STARD13: variants seen among roughly 807,000 people sequenced by gnomAD.
STARD13 encodes StAR related lipid transfer domain containing 13.
Under a neutral mutation model 106.4 loss-of-function variants are expected in STARD13, and 62 were observed. That is an observed-to-expected ratio of 0.58 (90% CI 0.48 to 0.72). The LOEUF is 0.72. STARD13 is among the 30% of genes least tolerant of loss of function. The pLI is 0.00. For missense variants in STARD13, 1,387 were observed against 1,424.0 expected (o/e 0.97, Z 0.42); for synonymous variants, 565 against 553.0 (o/e 1.02, Z -0.31).
At chr13:33,521,799 T>C in the STARD13 span, among the ~76,000 whole-genome samples, 2 of 152,206 alleles carry the variant, frequency 1.3e-5, no homozygotes, top group East Asian at 3.9e-4. Context: ...AATGAGCTAA[T>C]TTGGAAAGAA....
At chr13:33,605,568 G>A in the STARD13 span, among the ~76,000 whole-genome samples, 7 of 152,016 alleles carry the variant, frequency 4.6e-5, no homozygotes, top group African/African-American at 7.2e-5. Flanking sequence ...ACTTACTCTC[G>A]GTTTCTGTAC....
intron 1 of STARD13, among the ~76,000 whole-genome samples, chr13:33,250,551 C>T (rs1890050086): frequency 6.6e-6 from 1 of 152,188 alleles, no homozygotes; most frequent in African/African-American, 2.4e-5. Flanking sequence ...AAGACTGCAT[C>T]CTTTTAAAGG....
chr13:33,351,441 T>C (rs988785420), upstream of STARD13, among the ~76,000 whole-genome samples: 4 of 152,152 alleles, frequency 2.6e-5, no homozygotes, highest in Admixed American at 1.3e-4. Flanking sequence ...CTTTAAGAAA[T>C]ACATCATCAC....
chr13:33,213,019 G>A (rs1429679635), intron 1 of STARD13, among the ~76,000 whole-genome samples: 1 of 152,164 alleles, frequency 6.6e-6, no homozygotes, highest in Non-Finnish European at 1.5e-5. Context: ...CTTGCTAGTT[G>A]AGTTATTGAC....
chr13:33,154,184 G>C (rs934450259), intron 3 of STARD13, among the ~76,000 whole-genome samples: 1 of 152,188 alleles, frequency 6.6e-6, no homozygotes, highest in Non-Finnish European at 1.5e-5. Flanking sequence ...GGGGCAGGGG[G>C]CAGGAAAAAG....
At chr13:33,174,789 G>A (rs558111832) in intron 1 of STARD13, among the ~76,000 whole-genome samples, 4 of 152,292 alleles carry the variant, frequency 2.6e-5, no homozygotes, top group African/African-American at 4.8e-5. Flanking sequence ...AGCGGAAACT[G>A]TTGTTGCATG....
chr13:33,478,151 G>A, the STARD13 span, among the ~76,000 whole-genome samples: 3 of 152,112 alleles, frequency 2.0e-5, no homozygotes, highest in South Asian at 6.2e-4. Flanking sequence ...TTAGTTGGCT[G>A]GGGAGATGGA....
At chr13:33,635,495 T>A in the STARD13 span, among the ~76,000 whole-genome samples, 1 of 151,492 alleles carries the variant, frequency 6.6e-6, no homozygotes, top group South Asian at 2.1e-4. Context: ...CCATCTCTAC[T>A]AAAAAATAGA....
the STARD13 span, among the ~76,000 whole-genome samples, chr13:33,596,544 C>A: frequency 6.6e-6 from 1 of 152,176 alleles, no homozygotes; most frequent in East Asian, 1.9e-4. Context: ...TTTATCATTT[C>A]TTTGTGTTGG....
the STARD13 span, among the ~76,000 whole-genome samples, chr13:33,370,670 G>GT: frequency 1.4e-5 from 2 of 144,190 alleles, no homozygotes; most frequent in African/African-American, 5.3e-5. Context: ...CCAGGCTGGA[G>GT]TATAGTGGCG....
chr13:33,621,276 TAGA>T, the STARD13 span, among the ~76,000 whole-genome samples: 4 of 152,124 alleles, frequency 2.6e-5, no homozygotes, highest in South Asian at 4.1e-4. Flanking sequence ...TTGCTGCATA[TAGA>T]AGAATAGTGA....
chr13:33,186,868 C>G (rs1397356249), intron 1 of STARD13, among the ~76,000 whole-genome samples: 1 of 152,132 alleles, frequency 6.6e-6, no homozygotes, highest in Non-Finnish European at 1.5e-5. Context: ...CACCACCAAA[C>G]TACCTGTTAA....
chr13:33,206,719 T>C (rs896543804), intron 1 of STARD13, among the ~76,000 whole-genome samples: 2 of 152,232 alleles, frequency 1.3e-5, no homozygotes, highest in African/African-American at 4.8e-5. Flanking sequence ...ACAATCAGTC[T>C]GCTCTGTAAG....
At chr13:33,120,411 G>T (rs549941357) in intron 7 of STARD13, among the ~76,000 whole-genome samples, 1 of 152,136 alleles carries the variant, frequency 6.6e-6, no homozygotes, top group Non-Finnish European at 1.5e-5. Context: ...TTTTAGACAT[G>T]TCTGCAGCTC....
At chr13:33,530,066 C>T in the STARD13 span, among the ~76,000 whole-genome samples, 977 of 151,142 alleles carry the variant, frequency 6.5e-3, 41 homozygotes, top group Admixed American at 0.06. Context: ...ATAATAATTG[C>T]TGGTATCCCA....
the STARD13 span, among the ~76,000 whole-genome samples, chr13:33,589,604 C>A: frequency 1.1e-4 from 16 of 152,124 alleles, no homozygotes; most frequent in Non-Finnish European, 1.9e-4. Flanking sequence ...TGTAGTTGAG[C>A]AGTTTTAAGT....
At chr13:33,485,031 A>G in the STARD13 span, among the ~76,000 whole-genome samples, 2 of 152,250 alleles carry the variant, frequency 1.3e-5, no homozygotes, top group Admixed American at 6.5e-5. Context: ...CAGGAAGAAG[A>G]AAATAGCAGA....
At chr13:33,606,905 C>T in the STARD13 span, among the ~76,000 whole-genome samples, 1 of 152,332 alleles carries the variant, frequency 6.6e-6, no homozygotes, top group African/African-American at 2.4e-5. Flanking sequence ...ACCGCTTCTT[C>T]TGCCTCTCTC....
chr13:33,668,783 T>C, the STARD13 span, among the ~76,000 whole-genome samples: 1 of 152,322 alleles, frequency 6.6e-6, no homozygotes. Flanking sequence ...TAATTGCATC[T>C]AGCCCTGAAG....
Sources: allele counts gnomAD v4.1 joint callset (sites outside exome capture counted in the v4.1 genomes callset), GRCh38; gene constraint gnomAD v4.1.1; transcripts MANE v1.5; gene names NCBI Gene and HGNC (gene_info 2026-07-23, HGNC 2026-07-21).